The following CALN1 variants were observed in gnomAD, a reference collection of about 807,000 sequenced individuals.
The protein encoded by CALN1 is calcium-binding protein 8.
A neutral mutation model predicts 30.6 loss-of-function variants in CALN1; 17 were observed. That is an observed-to-expected ratio of 0.56 (90% CI 0.38 to 0.83). The LOEUF (loss-of-function observed/expected upper bound fraction) is 0.83, where lower values mean the gene tolerates loss of function less well. CALN1 is among the 40% of genes least tolerant of loss of function. The pLI is 0.00. For synonymous variants in CALN1, 156 were observed against 131.4 expected, an observed-to-expected ratio of 1.19 and a Z score of -1.28; for missense variants, 291 against 354.9, an observed-to-expected ratio of 0.82 and a Z score of 1.45.
chr7:72,397,164 G>A (rs1030099558), intron 2 of CALN1, among the ~76,000 whole-genome samples: 1 of 152,104 alleles, frequency 6.6e-6, no homozygotes, highest in Non-Finnish European at 1.5e-5. Flanking sequence ...TCCTGCCTCA[G>A]CCATCCAAAG....
chr7:72,123,591 GAAA>G (rs1212102857), intron 3 of CALN1, among the ~76,000 whole-genome samples: 1 of 152,196 alleles, frequency 6.6e-6, no homozygotes, highest in Non-Finnish European at 1.5e-5. Flanking sequence ...GTAAATCGTG[GAAA>G]GGATTGAGAC....
chr7:72,119,200 A>G (rs1349425519), intron 3 of CALN1, among the ~76,000 whole-genome samples: 3 of 152,182 alleles, frequency 2.0e-5, no homozygotes, highest in Non-Finnish European at 4.4e-5. Flanking sequence ...AGCAATTTAC[A>G]AAAGAAAGAG....
chr7:72,111,700 A>C (rs1021214358), intron 3 of CALN1, among the ~76,000 whole-genome samples: 1 of 151,468 alleles, frequency 6.6e-6, no homozygotes, highest in East Asian at 1.9e-4. Context: ...CTTCTGCCTC[A>C]GCCTCCCAAA....
At chr7:72,380,119 T>C (rs908543578) in intron 2 of CALN1, among the ~76,000 whole-genome samples, 4 of 152,062 alleles carry the variant, frequency 2.6e-5, no homozygotes, top group Non-Finnish European at 4.4e-5. Flanking sequence ...ATTTGATGAG[T>C]TCTCCAACAG....
chr7:71,804,951 A>G (rs955030971), intron 6 of CALN1, among the ~76,000 whole-genome samples: 11 of 152,180 alleles, frequency 7.2e-5, no homozygotes, highest in African/African-American at 2.7e-4. Flanking sequence ...GCAAAACTCC[A>G]TATAAAAAAA....
intron 5 of CALN1, among the ~76,000 whole-genome samples, chr7:71,939,655 A>C (rs1002639302): frequency 1.3e-5 from 2 of 152,130 alleles, no homozygotes; most frequent in African/African-American, 4.8e-5. Context: ...TGAGGCAAGA[A>C]ACAAAGGTAA....
chr7:72,233,352 G>A (rs760664497), intron 3 of CALN1, among the ~76,000 whole-genome samples: 1 of 152,078 alleles, frequency 6.6e-6, no homozygotes, highest in Non-Finnish European at 1.5e-5. Flanking sequence ...GTGACCCTCA[G>A]TGGGATGGAG....
At chr7:71,864,499 A>G (rs1010580687) in intron 5 of CALN1, among the ~76,000 whole-genome samples, 1 of 152,156 alleles carries the variant, frequency 6.6e-6, no homozygotes, top group Non-Finnish European at 1.5e-5. Flanking sequence ...GAGGAACTGA[A>G]TTCTGACCGT....
chr7:72,107,739 C>T (rs910259820), intron 3 of CALN1, among the ~76,000 whole-genome samples: 1 of 152,188 alleles, frequency 6.6e-6, no homozygotes, highest in South Asian at 2.1e-4. Context: ...CACCATGCCA[C>T]GCTAGTTGAT....
intron 2 of CALN1, among the ~76,000 whole-genome samples, chr7:72,340,145 T>A (rs1802314492): frequency 6.6e-6 from 1 of 152,196 alleles, no homozygotes. Context: ...AAGCCACACC[T>A]ACAGGCCAGA....
the CALN1 span, among the ~76,000 whole-genome samples, chr7:72,458,217 TATA>T: frequency 6.9e-5 from 7 of 102,052 alleles, no homozygotes; most frequent in South Asian, 5.0e-4. Flanking sequence ...TATTTTATAA[TATA>T]TTATATAATA....
At chr7:71,996,692 T>C (rs1170782401) in intron 5 of CALN1, among the ~76,000 whole-genome samples, 1 of 152,206 alleles carries the variant, frequency 6.6e-6, no homozygotes, top group Non-Finnish European at 1.5e-5. Context: ...CTTATTACCC[T>C]GGATGATGGG....
intron 3 of CALN1, among the ~76,000 whole-genome samples, chr7:72,115,882 T>C (rs1179045501): frequency 6.6e-6 from 1 of 152,050 alleles, no homozygotes; most frequent in Non-Finnish European, 1.5e-5. Flanking sequence ...TGAGATCCTC[T>C]TTTTTTAGCT....
intron 5 of CALN1, among the ~76,000 whole-genome samples, chr7:71,994,453 C>T (rs1039018743): frequency 4.2e-5 from 6 of 141,358 alleles, no homozygotes; most frequent in East Asian, 2.2e-4. Context: ...CAGAGGTTGC[C>T]GTGAGCCGAG....
rs534605888 is a variant in CALN1, at chr7:72,287,877, A to G, written c.120-9067T>C. Among the ~76,000 whole-genome samples the G allele has an allele frequency of 5.3e-5, 8 of 152,302 alleles. No homozygotes were observed. In the South Asian group the frequency reaches 1.5e-3, roughly 28 times the overall value. On this transcript the variant is annotated intron_variant, in intron 2 of 6. Coordinates refer to ENST00000395275, the MANE Select transcript of CALN1 (RefSeq NM_031468.4). ...TTGCAGGAATTTCTCTGAACTGCAT[A>G]TCTAGATAAAATACTACCTGGTTAT... is the stretch of plus-strand genomic sequence containing the variant.
chr7:71,882,862 G>GTGTC (rs1208794917), intron 5 of CALN1, among the ~76,000 whole-genome samples: 46 of 145,088 alleles, frequency 3.2e-4, no homozygotes, highest in Middle Eastern at 3.4e-3. Flanking sequence ...GTGTGTGTGT[G>GTGTC]TGTGTGTGTG....
intron 3 of CALN1, among the ~76,000 whole-genome samples, chr7:72,251,802 C>G (rs1272142119): frequency 6.6e-6 from 1 of 152,092 alleles, no homozygotes; most frequent in East Asian, 1.9e-4. Context: ...TGTCAATATC[C>G]TGGTTGTAAT....
intron 4 of CALN1, among the ~76,000 whole-genome samples, chr7:72,034,536 TA>T (rs1291842754): frequency 6.6e-6 from 1 of 151,328 alleles, no homozygotes; most frequent in East Asian, 2.0e-4. Context: ...CTCACCCCTG[TA>T]ATCTCAACAC....
intron 4 of CALN1, among the ~76,000 whole-genome samples, chr7:72,065,375 G>GC (rs1184571103): frequency 2.2e-5 from 3 of 137,224 alleles, no homozygotes; most frequent in Admixed American, 7.6e-5. Flanking sequence ...TGGCCTCCCC[G>GC]CCCCCCTGCC....
Sources: gnomAD v4.1 joint callset for allele counts (sites outside exome capture counted in the v4.1 genomes callset) on GRCh38, gnomAD v4.1.1 for gene constraint, MANE v1.5 for transcripts, NCBI Gene and HGNC (gene_info 2026-07-23, HGNC 2026-07-21) for gene names.